The following RASA1 variants were observed in gnomAD, a reference collection of about 807,000 sequenced individuals.
RASA1 encodes ras GTPase-activating protein 1.
RASA1 carries 25 observed loss-of-function variants against 132.2 expected under a neutral mutation model. The ratio of observed to expected loss-of-function variants is 0.19; its 90% CI spans 0.14 to 0.26. The LOEUF (loss-of-function observed/expected upper bound fraction) is 0.26, where lower values mean the gene tolerates loss of function less well. Among genes scored for constraint, RASA1 ranks in the 10% least tolerant of loss-of-function variants. The pLI, the probability that RASA1 is intolerant of heterozygous loss-of-function variation, is 1.00. For missense variants in RASA1, 964 were observed against 1,299.2 expected (o/e 0.74, Z 3.97); for synonymous variants, 477 against 449.9 (o/e 1.06, Z -0.76).
At chr5:87,269,326 GCAGT>G in intron 1 of RASA1, 2 of 1,533,288 alleles carry the variant, frequency 1.3e-6, no homozygotes, top group Non-Finnish European at 1.7e-6. Flanking sequence ...GGCTACCAAG[GCAGT>G]CATAGTGTAT....
chr5:87,285,555 CTCT>C (rs942243353), intron 1 of RASA1, among the ~76,000 whole-genome samples: 10 of 146,970 alleles, frequency 6.8e-5, no homozygotes, highest in Non-Finnish European at 1.5e-4. Context: ...TAATGCAATT[CTCT>C]TCTTAACTTT....
At chr5:87,346,561 C>A (rs1353078934) in intron 6 of RASA1, 111 bp from the exon 7 acceptor site, 3 of 583,682 alleles carry the variant, frequency 5.1e-6, no homozygotes, top group Non-Finnish European at 6.0e-6. Context: ...TGATTAATTG[C>A]ATTTATTTTA....
chr5:87,362,697 C>A (rs772203792), intron 10 of RASA1, 26 bp downstream of exon 10: 5 of 1,595,132 alleles, frequency 3.1e-6, no homozygotes, highest in Non-Finnish European at 8.6e-7. Context: ...TATCATTAAC[C>A]CATTTGATAG....
Position 87,374,906 on chromosome 5 carries a change from TC to T in RASA1, c.2003del (p.Pro668LeufsTer10), listed in dbSNP as rs1243416200. 6.2e-7 allele frequency: 1 copy of T among 1,607,120 alleles called. No homozygotes were observed. The highest frequency in any genetic ancestry group is 1.3e-5 in the African/African-American group (1 of 74,782). On this transcript the variant is annotated frameshift_variant, in exon 15 of 25. Transcript: ENST00000274376. LOFTEE classifies it high-confidence loss of function. ...LSNKTKKSKDPDILFMRCQLS... is the reference protein window; with the variant it reads ...LSNKTKKSKDXDILFMRCQLS... ...GTAATAAAACAAAGAAAAGCAAAGA[TC>T]CTGATATCTGTAAGTTGATACAGAA...
At chr5:87,332,666 T>C in intron 3 of RASA1, 24 bp downstream of exon 3, 1 of 1,589,836 alleles carries the variant, frequency 6.3e-7, no homozygotes, top group Non-Finnish European at 8.6e-7. Flanking sequence ...ATAAAATATC[T>C]TTCAAAACTT....
Position 87,374,897 on chromosome 5 carries a change from A to G in RASA1, c.1992A>G (p.Lys664=), listed in dbSNP as rs901983128. 6.2e-7 allele frequency: 1 copy of G among 1,608,212 alleles called. No individual in the cohort carries two copies. Among genetic ancestry groups the G allele is most frequent in the African/African-American group, 1.3e-5 (1 of 74,816 alleles). Residue 664 remains lysine, a synonymous_variant, in exon 15 of 25, where the codon AAA becomes AAG. Coordinates refer to ENST00000274376, the MANE Select transcript of RASA1 (RefSeq NM_002890.3). Reference sequence around the variant, plus strand: ...TAACTCTTAGTAATAAAACAAAGAAAAGCAAAGATCCTGATATCTGTAAGT... The same window carrying G: ...TAACTCTTAGTAATAAAACAAAGAAGAGCAAAGATCCTGATATCTGTAAGT... The part of the protein sequence containing the change: ...FEITLSNKTK[K]SKDPDILFMR...
intron 1 of RASA1, among the ~76,000 whole-genome samples, chr5:87,278,925 T>TC (rs998066176): frequency 1.4e-5 from 2 of 147,020 alleles, no homozygotes; most frequent in African/African-American, 5.0e-5. Context: ...TTTTTTTTTT[T>TC]TTTTTTTTCC....
intron 9 of RASA1, among the ~76,000 whole-genome samples, chr5:87,358,315 CTG>C (rs1198445577): frequency 1.3e-5 from 2 of 152,174 alleles, no homozygotes; most frequent in African/African-American, 4.8e-5. Flanking sequence ...ATTTTAAGCA[CTG>C]TTTTTTATAC....
intron 1 of RASA1, among the ~76,000 whole-genome samples, chr5:87,281,690 C>A (rs1436252253): frequency 6.6e-6 from 1 of 152,088 alleles, no homozygotes; most frequent in Non-Finnish European, 1.5e-5. Flanking sequence ...AAGCGATCCT[C>A]CTGTTTCAAC....
At chr5:87,388,647 A>G (rs1170291067) in intron 23 of RASA1, among the ~76,000 whole-genome samples, 2 of 152,236 alleles carry the variant, frequency 1.3e-5, no homozygotes, top group Non-Finnish European at 2.9e-5. Flanking sequence ...ATCTGAAAGT[A>G]CCATAATTAA....
At chr5:87,274,927 G>T (rs1429853746) in intron 1 of RASA1, among the ~76,000 whole-genome samples, 1 of 152,182 alleles carries the variant, frequency 6.6e-6, no homozygotes, top group Non-Finnish European at 1.5e-5. Context: ...GTTACCTGTG[G>T]TCTGGAGGGA....
chr5:87,268,751 T>C lies in RASA1; in HGVS notation c.300T>C (p.Ala100=). The C allele has an allele frequency of 6.2e-7, 1 of 1,613,662 alleles. No homozygotes were observed. Among genetic ancestry groups the C allele is most frequent in the Non-Finnish European group, 8.5e-7 (1 of 1,179,874 alleles). ...CTGCTGGCGTAGCTGGTGCTGCTGCTGGCGTGGCCGGTGCTGCTGTTGCTG... is the reference window on the plus strand; with the variant it reads ...CTGCTGGCGTAGCTGGTGCTGCTGCCGGCGTGGCCGGTGCTGCTGTTGCTG... ...GTAAGVAGAA[A]GVAGAAVAGP... is the part of the protein sequence containing the mutation. The change falls in exon 1 of 25, where the codon GCT becomes GCC. Residue 100 remains alanine, a synonymous_variant. Transcript: ENST00000274376.
intron 23 of RASA1, 86 bp from the exon 24 acceptor site, chr5:87,389,307 G>A: frequency 1.3e-6 from 2 of 1,539,702 alleles, no homozygotes; most frequent in Non-Finnish European, 1.8e-6. Context: ...TTTCAGCCTG[G>A]GCAACAAGAG....
At chr5:87,339,312 T>C (rs1398815640) in intron 5 of RASA1, among the ~76,000 whole-genome samples, 1 of 152,144 alleles carries the variant, frequency 6.6e-6, no homozygotes, top group Non-Finnish European at 1.5e-5. Flanking sequence ...CATATAGTTA[T>C]TTAGTGAAAG....
chr5:87,292,733 A>C lies in RASA1; in HGVS notation c.539+23743A>C, dbSNP rs1252494963. Among the ~76,000 whole-genome samples, 7 of 152,192 alleles carry C rather than the reference A, an allele frequency of 4.6e-5. No individual in the cohort carries two copies. The South Asian group carries it at 1.4e-3, about 31-fold the overall frequency. On this transcript the variant is annotated intron_variant, in intron 1 of 24. Transcript: ENST00000274376. ...TGGAATTGTGCCAAATCTGTACGTC[A>C]AGTTGGGAAGAACAGACATGTTGAT... is the stretch of plus-strand genomic sequence containing the variant.
chr5:87,374,940 A>G (rs1478341867), intron 15 of RASA1, 24 bp downstream of exon 15: 8 of 1,594,352 alleles, frequency 5.0e-6, no homozygotes, highest in Non-Finnish European at 6.8e-6. Context: ...GAAACTTTCT[A>G]AAATAGAAAA....
intron 13 of RASA1, among the ~76,000 whole-genome samples, chr5:87,372,532 T>G (rs910204044): frequency 6.6e-6 from 1 of 152,172 alleles, no homozygotes; most frequent in African/African-American, 2.4e-5. Flanking sequence ...ATCATCAGAT[T>G]TATAGCACTA....
At chr5:87,385,464 TAAGTA>T in intron 22 of RASA1, 75 bp downstream of exon 22, 1 of 1,169,372 alleles carries the variant, frequency 8.6e-7, no homozygotes, top group East Asian at 2.5e-5. Context: ...AATTGTGGCT[TAAGTA>T]AATTTTTAGC....
chr5:87,337,537 T>G (rs1758060672), intron 4 of RASA1, among the ~76,000 whole-genome samples: 2 of 152,090 alleles, frequency 1.3e-5, no homozygotes, highest in Admixed American at 6.5e-5. Flanking sequence ...TATGTATGTA[T>G]AGTGTGTTAA....
Sources: allele counts gnomAD v4.1 joint callset (sites outside exome capture counted in the v4.1 genomes callset), GRCh38; gene constraint gnomAD v4.1.1; transcripts MANE v1.5; gene names NCBI Gene and HGNC (gene_info 2026-07-23, HGNC 2026-07-21).